Variants in LAMC3 observed in about 807,000 individuals in gnomAD.
The protein encoded by LAMC3 is laminin subunit gamma 3.
Under a neutral mutation model 173.8 loss-of-function variants are expected in LAMC3, and 128 were observed. The observed-to-expected ratio is 0.74, with a 90% CI of 0.64 to 0.85. The LOEUF is 0.85. Among genes scored for constraint, LAMC3 ranks in the 40% least tolerant of loss-of-function variants. The pLI, the probability that LAMC3 is intolerant of heterozygous loss-of-function variation, is 0.00. For missense variants in LAMC3, 2,022 were observed against 2,156.0 expected (o/e 0.94, Z 1.23); for synonymous variants, 897 against 909.1 (o/e 0.99, Z 0.24).
chr9:131,076,873 A>G (rs1443660492), intron 21 of LAMC3, among the ~76,000 whole-genome samples: 2 of 152,190 alleles, frequency 1.3e-5, no homozygotes, highest in Non-Finnish European at 2.9e-5. Context: ...CCTCTTCACC[A>G]TTCACCCAGA....
rs73658918 is a variant in LAMC3 at position 131,073,548 on chromosome 9, G to A, written c.3494+227G>A. ...CTGAAGGCGTCAGAGAGCATCTGCC[G>A]GCTTTCTCTTTGTGAGAGTTGTGTA... On this transcript the variant is annotated intron_variant, in intron 20 of 27. Coordinates refer to ENST00000361069, the MANE Select transcript of LAMC3 (RefSeq NM_006059.4). Among the ~76,000 whole-genome samples the A allele has an allele frequency of 5.4e-3, 821 of 152,262 alleles. 9 individuals are homozygous for A. Among genetic ancestry groups the A allele is most frequent in the African/African-American group, 0.019 (782 of 41,544 alleles).
At position 131,075,082 on chromosome 9, in the gene LAMC3, G is replaced by A. The variant is rs192143844; in HGVS notation, c.3495-749G>A. Among the ~76,000 whole-genome samples, 3 of 151,978 alleles carry A rather than the reference G, an allele frequency of 2.0e-5. No homozygotes were observed. The East Asian group carries it at 5.8e-4, about 30-fold the overall frequency. ...AGTTACAGACCAGCTTGGGCAAGATGGTGAAACCCCCATCGCTACAAAAAT... is the reference window on the plus strand; with the variant it reads ...AGTTACAGACCAGCTTGGGCAAGATAGTGAAACCCCCATCGCTACAAAAAT... On this transcript the variant is annotated intron_variant, in intron 20 of 27. Coordinates refer to ENST00000361069, the MANE Select transcript of LAMC3 (RefSeq NM_006059.4).
At chr9:131,087,408 A>C in intron 25 of LAMC3, 68 bp from the exon 26 acceptor site, 4 of 1,577,638 alleles carry the variant, frequency 2.5e-6, no homozygotes, top group Non-Finnish European at 3.5e-6. Flanking sequence ...TTGCCATAAG[A>C]GCTATTTACC....
chr9:131,009,807 A>C lies in LAMC3; in HGVS notation c.373+220A>C, dbSNP rs187842410. ...CGAGATGGGAGGGTCGCTTGAGCCC[A>C]GGAGTTCAAGATCAGCCTGGGCAAC... On this transcript the variant is annotated intron_variant, in intron 1 of 27. Coordinates refer to ENST00000361069, the MANE Select transcript of LAMC3 (RefSeq NM_006059.4). This position sits in a 1 kb window ranked among gnomAD's most constrained non-coding sequence, Gnocchi z 4.3. Among the ~76,000 whole-genome samples, 640 of 152,188 alleles carry C rather than the reference A, an allele frequency of 4.2e-3. 15 individuals carry two copies. Among genetic ancestry groups the C allele is most frequent in the Admixed American group, 0.034 (517 of 15,282 alleles).
chr9:131,055,508 T>C (rs1834384661), intron 11 of LAMC3, among the ~76,000 whole-genome samples: 1 of 139,768 alleles, frequency 7.2e-6, no homozygotes, highest in Non-Finnish European at 1.5e-5. Flanking sequence ...CACTGCAAGC[T>C]CCGCCTCCCG....
chr9:131,010,870 TCTC>T (rs1833403926), intron 1 of LAMC3, among the ~76,000 whole-genome samples: 1 of 152,130 alleles, frequency 6.6e-6, no homozygotes, highest in Non-Finnish European at 1.5e-5. Context: ...TGGAATGCTC[TCTC>T]CTCCCTCCGT....
intron 11 of LAMC3, among the ~76,000 whole-genome samples, chr9:131,053,688 C>G (rs920714559): frequency 3.3e-5 from 5 of 152,136 alleles, no homozygotes; most frequent in African/African-American, 1.2e-4. Flanking sequence ...CAAAAATTAG[C>G]TGGGCGTGGT....
chr9:131,080,911 G>T (rs1024696908), intron 23 of LAMC3, among the ~76,000 whole-genome samples: 2 of 152,138 alleles, frequency 1.3e-5, no homozygotes, highest in African/African-American at 4.8e-5. Flanking sequence ...ATTTATTCTT[G>T]TTACAGTGAC....
chr9:131,032,957 G>C (rs1033383620), intron 3 of LAMC3, among the ~76,000 whole-genome samples: 2 of 152,164 alleles, frequency 1.3e-5, no homozygotes, highest in Admixed American at 6.6e-5. Context: ...CATGAGCCAC[G>C]GCCCCCTTCC....
chr9:131,071,552 C>G lies in LAMC3; in HGVS notation c.3138C>G (p.Pro1046=). The G allele has an allele frequency of 6.2e-7, 1 of 1,613,396 alleles. No homozygotes were observed. Among genetic ancestry groups the G allele is most frequent in the Non-Finnish European group, 8.5e-7 (1 of 1,179,670 alleles). The change falls in exon 18 of 28, where the codon CCC becomes CCG. Residue 1046 remains proline, a synonymous_variant. Transcript: ENST00000361069. ...GWLQGSDCGS[P]WGPLDILLGE... ...TCCAAGGGTCCGACTGTGGCAGTCC[C>G]TGGGGACCACTAGACATTCTGCTGG...
chr9:131,051,970 T>C (rs1258716630), intron 9 of LAMC3, among the ~76,000 whole-genome samples: 1 of 152,154 alleles, frequency 6.6e-6, no homozygotes, highest in Non-Finnish European at 1.5e-5. Context: ...ACTAGTGCCT[T>C]CTTTCCGAGT....
Position 131,057,021 on chromosome 9 carries a change from G to A in LAMC3, c.2032G>A (p.Gly678Ser). 1 of 1,614,120 alleles carries A rather than the reference G, an allele frequency of 6.2e-7. No homozygotes were observed. Among genetic ancestry groups the A allele is most frequent in the Non-Finnish European group, 8.5e-7 (1 of 1,180,032 alleles). ...GGTGGAGATTTGTTCATGTCCCACT[G>A]GCTACACGGGCCAGTTCTGTGAATC... is the stretch of plus-strand genomic sequence containing the variant. Reference protein sequence around the residue: ...SWVEICSCPTGYTGQFCESCA... With the variant: ...SWVEICSCPTSYTGQFCESCA... The change falls in exon 12 of 28, where the codon GGC (glycine) becomes AGC (serine). Residue 678 changes from glycine to serine, a missense_variant. Gly to Ser is a moderately conservative substitution (Grantham distance 56). Transcript: ENST00000361069.
At position 131,034,301 on chromosome 9, in the gene LAMC3, A is replaced by G. The variant is rs546638624; in HGVS notation, c.810-1865A>G. ...GCAGTCCCTTGTGACTTCCCTGGTG[A>G]CCACTGTCCCCAGGATTGCCTGGCG... is the stretch of plus-strand genomic sequence containing the variant. On this transcript the variant is annotated intron_variant, in intron 3 of 27. Coordinates refer to ENST00000361069, the MANE Select transcript of LAMC3 (RefSeq NM_006059.4). 1.2e-4 allele frequency among the ~76,000 whole-genome samples: 18 copies of G among 152,230 alleles called. No homozygotes were observed. The East Asian group carries it at 3.5e-3, about 29-fold the overall frequency.
intron 4 of LAMC3, among the ~76,000 whole-genome samples, chr9:131,037,857 C>G (rs1236087559): frequency 6.6e-6 from 1 of 152,220 alleles, no homozygotes; most frequent in Non-Finnish European, 1.5e-5. Flanking sequence ...ACGGCTCCCC[C>G]TTTGCTCCCA....
intron 16 of LAMC3, 113 bp downstream of exon 16, chr9:131,069,163 G>C (rs1369626553): frequency 3.1e-6 from 4 of 1,288,832 alleles, no homozygotes; most frequent in African/African-American, 1.5e-5. Context: ...TCAGACATGG[G>C]ACAGGGTCCC....
At chr9:131,084,121 G>A (rs989868666) in intron 24 of LAMC3, among the ~76,000 whole-genome samples, 55 of 150,720 alleles carry the variant, frequency 3.6e-4, no homozygotes, top group African/African-American at 1.3e-3. Context: ...GACCTCTGGT[G>A]ATCTACCTGC....
chr9:131,046,181 T>C (rs905277128), intron 8 of LAMC3, among the ~76,000 whole-genome samples: 1 of 22,624 alleles, frequency 4.4e-5, no homozygotes, highest in African/African-American at 7.0e-4. Flanking sequence ...GTTTTGCTCC[T>C]TTTTTTTTTT....
chr9:131,034,143 A>C (rs1351724977), intron 3 of LAMC3, among the ~76,000 whole-genome samples: 1 of 152,188 alleles, frequency 6.6e-6, no homozygotes, highest in Non-Finnish European at 1.5e-5. Context: ...TGGCTGGGGC[A>C]GGCTGCTCAT....
intron 1 of LAMC3, among the ~76,000 whole-genome samples, chr9:131,021,973 C>G (rs1161625859): frequency 6.6e-6 from 1 of 152,208 alleles, no homozygotes; most frequent in Non-Finnish European, 1.5e-5. Flanking sequence ...CCAGAAGCTC[C>G]CTGAACCCTG....
Sources: gnomAD v4.1 joint callset for allele counts (sites outside exome capture counted in the v4.1 genomes callset) on GRCh38, gnomAD v4.1.1 for gene constraint, Gnocchi (gnomAD v3.1) non-coding constraint, MANE v1.5 for transcripts, NCBI Gene and HGNC (gene_info 2026-07-23, HGNC 2026-07-21) for gene names.